CTNNA3: variants seen among roughly 807,000 people sequenced by gnomAD.
The protein encoded by CTNNA3 is catenin alpha 3.
In CTNNA3, 76 loss-of-function variants were observed where a neutral mutation model predicts 95.7. The observed-to-expected ratio is 0.79, with a 90% CI of 0.66 to 0.96. The LOEUF is 0.96. CTNNA3 is among the 40% of genes least tolerant of loss of function. The pLI is 0.00. For missense variants in CTNNA3, 1,191 were observed against 1,089.8 expected, an observed-to-expected ratio of 1.09 and a Z score of -1.31; for synonymous variants, 431 against 374.4, an observed-to-expected ratio of 1.15 and a Z score of -1.74.
intron 1 of CTNNA3, among the ~76,000 whole-genome samples, chr10:67,672,290 T>C (rs1279029335): frequency 6.6e-6 from 1 of 152,206 alleles, no homozygotes; most frequent in Non-Finnish European, 1.5e-5. Flanking sequence ...TTGCGAAAAT[T>C]TTCTCCCATT....
At chr10:66,203,007 T>C (rs1217546517) in intron 13 of CTNNA3, among the ~76,000 whole-genome samples, 2 of 152,212 alleles carry the variant, frequency 1.3e-5, no homozygotes, top group Non-Finnish European at 2.9e-5. Flanking sequence ...AAATAAAGTC[T>C]CTACTGGTCT....
chr10:67,465,873 C>G (rs999243867), intron 5 of CTNNA3, among the ~76,000 whole-genome samples: 42 of 152,130 alleles, frequency 2.8e-4, no homozygotes, highest in African/African-American at 9.4e-4. Flanking sequence ...CTGCCATTTA[C>G]CTTGTCAACT....
At chr10:67,256,870 AT>A (rs1866371407) in intron 5 of CTNNA3, among the ~76,000 whole-genome samples, 1 of 152,146 alleles carries the variant, frequency 6.6e-6, no homozygotes, top group South Asian at 2.1e-4. Flanking sequence ...TTTTAGTGAA[AT>A]TTTTAGAACA....
In CTNNA3 at chr10:67,214,394, A is replaced by G. The variant is rs1451378724; in HGVS notation, c.843+5213T>C. Among the ~76,000 whole-genome samples the G allele has an allele frequency of 2.0e-5, 3 of 151,828 alleles. No homozygotes were observed. In the East Asian group the frequency reaches 5.8e-4, roughly 29 times the overall value. Reference sequence around the variant, plus strand: ...TTTTATCCTTCCCCAAAAAATATATAAAGACCCTAGAACATTTAACTATGA... The same window carrying G: ...TTTTATCCTTCCCCAAAAAATATATGAAGACCCTAGAACATTTAACTATGA... On this transcript the variant is annotated intron_variant, in intron 6 of 17. Transcript: ENST00000433211.
At chr10:66,194,831 A>G (rs10996968) in intron 13 of CTNNA3, among the ~76,000 whole-genome samples, 26,537 of 152,188 alleles carry the variant, frequency 0.17, 2,745 homozygotes, top group South Asian at 0.39. Flanking sequence ...ACCAGGTTAA[A>G]TACATTTATG....
intron 12 of CTNNA3, among the ~76,000 whole-genome samples, chr10:66,358,352 GA>G (rs199969423): frequency 1.3e-5 from 2 of 150,188 alleles, no homozygotes; most frequent in Middle Eastern, 3.4e-3. Context: ...GAAATATGGG[GA>G]AAAAAAGGGG....
chr10:66,428,144 A>C (rs1222239364), intron 11 of CTNNA3, among the ~76,000 whole-genome samples: 1 of 152,152 alleles, frequency 6.6e-6, no homozygotes. Flanking sequence ...CAAAGATCAA[A>C]AGAGACAAAG....
chr10:67,272,875 A>G (rs1839040799), intron 5 of CTNNA3, among the ~76,000 whole-genome samples: 1 of 152,118 alleles, frequency 6.6e-6, no homozygotes, highest in African/African-American at 2.4e-5. Flanking sequence ...TATATCCCAC[A>G]ACACAATACC....
intron 7 of CTNNA3, among the ~76,000 whole-genome samples, chr10:67,025,575 A>G (rs1301838619): frequency 6.6e-6 from 1 of 152,204 alleles, no homozygotes; most frequent in Non-Finnish European, 1.5e-5. Flanking sequence ...GTTACTGAGA[A>G]TAGCTCGGTT....
At chr10:67,735,429 T>C (rs1017264049) in intron 1 of CTNNA3, among the ~76,000 whole-genome samples, 8 of 152,018 alleles carry the variant, frequency 5.3e-5, no homozygotes, top group Non-Finnish European at 1.0e-4. Flanking sequence ...AGAACGGATA[T>C]AATATAAGTT....
intron 7 of CTNNA3, among the ~76,000 whole-genome samples, chr10:66,849,679 C>T (rs1843412330): frequency 2.0e-5 from 3 of 151,990 alleles, no homozygotes; most frequent in Admixed American, 2.0e-4. Context: ...GAGCCGGAAG[C>T]CACCAGAAGC....
intron 5 of CTNNA3, among the ~76,000 whole-genome samples, chr10:67,465,776 C>T (rs1231628023): frequency 1.3e-5 from 2 of 152,098 alleles, no homozygotes; most frequent in East Asian, 3.8e-4. Context: ...AGGTGAAAAA[C>T]AGCCTCTGTA....
intron 7 of CTNNA3, among the ~76,000 whole-genome samples, chr10:67,162,098 T>C (rs1022382591): frequency 1.3e-5 from 2 of 152,044 alleles, no homozygotes; most frequent in African/African-American, 4.8e-5. Context: ...TCAACATCCT[T>C]CTCTCAACAA....
intron 17 of CTNNA3, among the ~76,000 whole-genome samples, chr10:65,941,948 A>C (rs1589153004): frequency 6.6e-6 from 1 of 152,284 alleles, no homozygotes; most frequent in East Asian, 1.9e-4. Context: ...ACTCCATTTT[A>C]ACAGAGAATG....
At chr10:65,937,598 G>A (rs1371313850) in intron 17 of CTNNA3, among the ~76,000 whole-genome samples, 2 of 152,054 alleles carry the variant, frequency 1.3e-5, no homozygotes, top group Non-Finnish European at 2.9e-5. Context: ...TTCAAGTAGT[G>A]ATCATGACCA....
intron 11 of CTNNA3, among the ~76,000 whole-genome samples, chr10:66,440,836 A>G (rs902049730): frequency 6.6e-6 from 1 of 152,206 alleles, no homozygotes; most frequent in African/African-American, 2.4e-5. Context: ...GGCCTGGCAC[A>G]CAATAAGTGC....
intron 7 of CTNNA3, among the ~76,000 whole-genome samples, chr10:66,787,554 G>A (rs984718101): frequency 1.3e-5 from 2 of 152,058 alleles, no homozygotes; most frequent in African/African-American, 4.8e-5. Context: ...AATGTAGGGA[G>A]GAAGGAGTAG....
intron 13 of CTNNA3, among the ~76,000 whole-genome samples, chr10:66,134,456 A>G (rs2083261050): frequency 6.6e-6 from 1 of 152,172 alleles, no homozygotes; most frequent in Non-Finnish European, 1.5e-5. Flanking sequence ...ATGGTTTACT[A>G]TGTAGTACTA....
At chr10:65,961,081 T>C (rs747378533) in intron 17 of CTNNA3, among the ~76,000 whole-genome samples, 20 of 152,196 alleles carry the variant, frequency 1.3e-4, no homozygotes, top group Admixed American at 3.9e-4. Context: ...CATTCTCTTC[T>C]GGTCGCTTTT....
Sources: gnomAD v4.1 joint callset for allele counts (sites outside exome capture counted in the v4.1 genomes callset) on GRCh38, gnomAD v4.1.1 for gene constraint, MANE v1.5 for transcripts, NCBI Gene and HGNC (gene_info 2026-07-23, HGNC 2026-07-21) for gene names.